The following NCAM1 variants were observed in gnomAD, a reference collection of about 807,000 sequenced individuals.
NCAM1 encodes antigen recognized by monoclonal antibody 5.1H11.
In NCAM1, 14 loss-of-function variants were observed where a neutral mutation model predicts 109.8. The ratio of observed to expected loss-of-function variants is 0.13; its 90% CI spans 0.08 to 0.20. The LOEUF is 0.20. NCAM1 is among the 10% of genes least tolerant of loss of function. The pLI is 1.00. For synonymous variants in NCAM1, 418 were observed against 442.9 expected, an observed-to-expected ratio of 0.94 and a Z score of 0.70; for missense variants, 774 against 1,109.9, an observed-to-expected ratio of 0.70 and a Z score of 4.30.
chr11:113,223,634 C>A (rs1264534500), intron 9 of NCAM1, among the ~76,000 whole-genome samples: 2 of 152,176 alleles, frequency 1.3e-5, no homozygotes, highest in African/African-American at 4.8e-5. Context: ...TGGAAATGTT[C>A]TCTTGACTTC....
intron 1 of NCAM1, among the ~76,000 whole-genome samples, chr11:112,975,786 A>C (rs1205120420): frequency 6.6e-6 from 1 of 152,002 alleles, no homozygotes; most frequent in Non-Finnish European, 1.5e-5. Context: ...AATTAAGATA[A>C]CTGGTCATGA....
At chr11:113,255,466 G>A (rs1210647114) in intron 15 of NCAM1, among the ~76,000 whole-genome samples, 2 of 151,976 alleles carry the variant, frequency 1.3e-5, no homozygotes, top group African/African-American at 4.8e-5. Flanking sequence ...TTTATAGGTG[G>A]GAGTTTCCTA....
intron 1 of NCAM1, among the ~76,000 whole-genome samples, chr11:113,000,809 T>TATATATAC (rs1951727632): frequency 3.6e-5 from 2 of 56,018 alleles, no homozygotes; most frequent in Admixed American, 2.6e-4. Flanking sequence ...CCTATAGAAT[T>TATATATAC]ATATATACAT....
chr11:112,999,653 TC>T (rs1167254370), intron 1 of NCAM1, among the ~76,000 whole-genome samples: 2 of 152,258 alleles, frequency 1.3e-5, no homozygotes, highest in African/African-American at 4.8e-5. Flanking sequence ...ATTGTCTGAT[TC>T]ATTATAAATT....
At chr11:113,199,259 A>T (rs781899026) in intron 1 of NCAM1, among the ~76,000 whole-genome samples, 1 of 152,188 alleles carries the variant, frequency 6.6e-6, no homozygotes, top group Non-Finnish European at 1.5e-5. Flanking sequence ...ACTGAAAAAA[A>T]GGTGAAAGTT....
intron 1 of NCAM1, among the ~76,000 whole-genome samples, chr11:112,973,724 C>T (rs1327930115): frequency 6.6e-6 from 1 of 152,080 alleles, no homozygotes; most frequent in African/African-American, 2.4e-5. Context: ...TTCCCATATC[C>T]TTTCTTTCTG....
At chr11:113,080,456 GTTTTTTTTCTTTTTT>G (rs1938751596) in intron 1 of NCAM1, among the ~76,000 whole-genome samples, 1 of 147,266 alleles carries the variant, frequency 6.8e-6, no homozygotes, top group African/African-American at 2.5e-5. Flanking sequence ...GAATAGAGGG[GTTTTTTTTCTTTTTT>G]TTTTTTTCTT....
chr11:113,061,559 C>T (rs535165692), intron 1 of NCAM1, among the ~76,000 whole-genome samples: 1 of 152,318 alleles, frequency 6.6e-6, no homozygotes, highest in African/African-American at 2.4e-5. Context: ...GAAAGGAATA[C>T]TGGAACAGAA....
intron 1 of NCAM1, among the ~76,000 whole-genome samples, chr11:113,060,847 C>A (rs1459838100): frequency 1.3e-5 from 2 of 152,026 alleles, no homozygotes; most frequent in African/African-American, 4.8e-5. Flanking sequence ...TTTTCTAGAA[C>A]CATGGAAGGG....
chr11:113,107,667 A>G (rs991493849), intron 1 of NCAM1, among the ~76,000 whole-genome samples: 4 of 152,106 alleles, frequency 2.6e-5, no homozygotes, highest in Non-Finnish European at 4.4e-5. Flanking sequence ...GACTTTCATT[A>G]CCACGAGGAC....
intron 16 of NCAM1, among the ~76,000 whole-genome samples, chr11:113,258,444 C>T (rs782795233): frequency 6.6e-6 from 1 of 152,144 alleles, no homozygotes; most frequent in African/African-American, 2.4e-5. Context: ...ATAGAAAAAC[C>T]TTATTCAGTC....
intron 1 of NCAM1, among the ~76,000 whole-genome samples, chr11:113,055,984 T>G (rs1471242288): frequency 1.4e-3 from 48 of 34,750 alleles, no homozygotes; most frequent in African/African-American, 5.1e-3. Context: ...ATGTGATATA[T>G]ATATATATAT....
intron 1 of NCAM1, among the ~76,000 whole-genome samples, chr11:113,185,871 G>A (rs1555108801): frequency 2.0e-5 from 3 of 152,094 alleles, no homozygotes; most frequent in African/African-American, 7.2e-5. Context: ...CTACCCCGGA[G>A]GTACTGATTC....
chr11:113,145,304 A>G (rs1230970898), intron 1 of NCAM1, among the ~76,000 whole-genome samples: 1 of 152,218 alleles, frequency 6.6e-6, no homozygotes, highest in Admixed American at 6.5e-5. Flanking sequence ...ATCAAATCAC[A>G]TTTCCCTAAA....
At chr11:112,967,604 TC>T (rs1950762295) in intron 1 of NCAM1, among the ~76,000 whole-genome samples, 1 of 152,228 alleles carries the variant, frequency 6.6e-6, no homozygotes, top group South Asian at 2.1e-4. Flanking sequence ...TCTTAGGACT[TC>T]AGTGCATGTA....
intron 1 of NCAM1, among the ~76,000 whole-genome samples, chr11:113,065,995 A>C (rs1555084155): frequency 6.6e-6 from 1 of 152,210 alleles, no homozygotes; most frequent in African/African-American, 2.4e-5. Flanking sequence ...TTAATGAAAG[A>C]AGTGTGCGTG....
chr11:113,086,681 C>T (rs555627403), intron 1 of NCAM1, among the ~76,000 whole-genome samples: 1 of 152,222 alleles, frequency 6.6e-6, no homozygotes, highest in Non-Finnish European at 1.5e-5. Flanking sequence ...TGCCATGTTA[C>T]TTTGCACCAG....
At chr11:113,171,699 A>G (rs1360857847) in intron 1 of NCAM1, among the ~76,000 whole-genome samples, 2 of 152,166 alleles carry the variant, frequency 1.3e-5, no homozygotes, top group Non-Finnish European at 1.5e-5. Context: ...TGCCCTCTTG[A>G]AGCTAACAAT....
intron 1 of NCAM1, among the ~76,000 whole-genome samples, chr11:113,029,835 G>A (rs1489910554): frequency 6.6e-6 from 1 of 152,196 alleles, no homozygotes; most frequent in Non-Finnish European, 1.5e-5. Context: ...TAAGACTGGT[G>A]GAGGAAAAAC....
Sources: gnomAD v4.1 joint callset for allele counts (sites outside exome capture counted in the v4.1 genomes callset) on GRCh38, gnomAD v4.1.1 for gene constraint, MANE v1.5 for transcripts, NCBI Gene and HGNC (gene_info 2026-07-23, HGNC 2026-07-21) for gene names.